Variants in RBMX observed in about 807,000 individuals in gnomAD.
RBMX encodes RNA-binding motif protein, X chromosome.
RBMX carries 1 observed loss-of-function variant against 29.3 expected under a neutral mutation model. The ratio of observed to expected loss-of-function variants is 0.03; its 90% CI spans 0.01 to 0.16. The LOEUF is 0.16. RBMX is among the 10% of genes least tolerant of loss of function. The pLI is 1.00. For synonymous variants in RBMX, 102 were observed against 102.3 expected (o/e 1.00, Z 0.02); for missense variants, 121 against 333.2 (o/e 0.36, Z 4.96).
At chrX:136,875,215 G>C (rs760772574) in intron 7 of RBMX, 43 bp downstream of exon 7, 6 of 1,209,118 alleles carry the variant, frequency 5.0e-6, no homozygotes, top group Admixed American at 4.4e-5. Flanking sequence ...AACTTTCATT[G>C]CAACTTTTCT....
rs1342819478 is a variant in RBMX at position 136,880,630 on chromosome X, G to A, written c.-60C>T. The stretch of plus-strand genomic sequence containing the variant: ...TGACAATGGGTTCAAGCTCCAACGA[G>A]CTCGGCGATAGGGGCTTCCTAGCAG... On this transcript the variant is annotated 5_prime_UTR_variant, in exon 1 of 9. Coordinates refer to ENST00000320676, the MANE Select transcript of RBMX (RefSeq NM_002139.4). The A allele has an allele frequency of 8.1e-6, 1 of 122,731 alleles. No individual in the cohort carries two copies. The allele number at this position is 122,731 out of a possible 1,213,427, so 10.1% of individuals were successfully genotyped here.
Position 136,873,606 on chromosome X carries a change from C to T in RBMX, c.*536G>A. 6.6e-6 allele frequency: 5 copies of T among 755,442 alleles called. No homozygotes were observed. The highest frequency in any genetic ancestry group is 7.8e-6 in the Non-Finnish European group (5 of 639,664). The allele number at this position is 755,442 out of a possible 1,213,427, so 62.3% of individuals were successfully genotyped here. Reference sequence around the variant, plus strand: ...CAAAATGGCCAGCATTATCCATTTGCTTTTTTGGGTTTACTGGGTGAATAG... The same window carrying T: ...CAAAATGGCCAGCATTATCCATTTGTTTTTTTGGGTTTACTGGGTGAATAG... On this transcript the variant is annotated 3_prime_UTR_variant, in exon 9 of 9. Transcript: ENST00000320676.
chrX:136,876,117 T>C (rs1409346372), intron 5 of RBMX, among the ~76,000 whole-genome samples: 1 of 101,326 alleles, frequency 9.9e-6, no homozygotes. Flanking sequence ...ATAAAGTTTT[T>C]TTTTTTTGTT....
Position 136,878,683 on chromosome X carries a change from G to C in RBMX, c.216+334C>G, listed in dbSNP as rs755816012. 7.5e-5 allele frequency among the ~76,000 whole-genome samples: 6 copies of C among 79,871 alleles called. No homozygotes were observed. In the East Asian group the frequency reaches 2.0e-3, roughly 27 times the overall value. 69.4% of individuals were successfully genotyped at this position (79,871 alleles called of 115,157 possible). ...GGCAGAAAAATCGCTTAGAACTCGG[G>C]AGACAGGCTGCAGTGGGCACTGCAC... On this transcript the variant is annotated intron_variant, in intron 3 of 8. Transcript: ENST00000320676.
At chrX:136,878,284 G>A (rs1037422737) in intron 3 of RBMX, among the ~76,000 whole-genome samples, 198 bp from the exon 4 acceptor site, 4 of 110,794 alleles carry the variant, frequency 3.6e-5, no homozygotes, top group African/African-American at 1.3e-4. Context: ...ACTTAAAACC[G>A]ATACTGATGA....
chrX:136,875,827 A>G (rs2077722309), intron 5 of RBMX, among the ~76,000 whole-genome samples: 1 of 105,885 alleles, frequency 9.4e-6, no homozygotes. Flanking sequence ...TTGAGATGGG[A>G]GTCTCGCTCT....
chrX:136,876,240 C>T (rs895331280), intron 5 of RBMX, among the ~76,000 whole-genome samples: 9 of 105,824 alleles, frequency 8.5e-5, no homozygotes, highest in African/African-American at 2.4e-4. Context: ...TCTCCTGCCT[C>T]GGCCTCCCAA....
downstream of RBMX, chrX:136,869,874 A>G (rs1569438012): frequency 8.9e-6 from 1 of 112,318 alleles, no homozygotes; most frequent in Non-Finnish European, 1.9e-5. Flanking sequence ...TAGGCTTATA[A>G]AACAATACAG....
rs369899532 is a variant in RBMX, at chrX:136,874,536, G to C, written c.866-84C>G. On this transcript the variant is annotated intron_variant, in intron 8 of 8. Transcript: ENST00000320676. ...TTAAATCTGAATTTACAGAATTCTT[G>C]TATTAAAAGTTTACTTTCTCAACTG... 6.9e-5 allele frequency: 74 copies of C among 1,079,716 alleles called. No individual in the cohort carries two copies. In the East Asian group the frequency reaches 1.7e-3, roughly 25 times the overall value. The allele number at this position is 1,079,716 out of a possible 1,213,427, so 89.0% of individuals were successfully genotyped here.
At position 136,874,600 on chromosome X, in the gene RBMX, A is replaced by G. The variant is rs777423957; in HGVS notation, c.866-148T>C. On this transcript the variant is annotated intron_variant, in intron 8 of 8. Transcript: ENST00000320676. ...AAACTCTGCCATTGCTGGCCATAAC[A>G]GGGATTTGCTCATCTGCTGAGATAT... 680 of 688,485 alleles carry G rather than the reference A, an allele frequency of 9.9e-4. 2 individuals carry two copies. The highest frequency in any genetic ancestry group is 1.3e-3 in the Non-Finnish European group (598 of 471,520). 56.7% of individuals were successfully genotyped at this position (688,485 alleles called of 1,213,427 possible).
At chrX:136,872,311 A>G, downstream of RBMX, 1 of 1,166,916 alleles carries the variant, frequency 8.6e-7, no homozygotes. Context: ...TGAATCAATC[A>G]GCACTCCACG....
At chrX:136,874,795 G>C in intron 8 of RBMX, 1 of 388,260 alleles carries the variant, frequency 2.6e-6, no homozygotes, top group South Asian at 7.5e-5. Flanking sequence ...GTAAATATTT[G>C]ATCTTGTTAA....
rs866996986 is a variant in RBMX at position 136,876,126 on chromosome X, T to G, written c.541+377A>C. Among the ~76,000 whole-genome samples, 13 of 73,703 alleles carry G rather than the reference T, an allele frequency of 1.8e-4. No individual in the cohort carries two copies. In the South Asian group the frequency reaches 2.8e-3, roughly 16 times the overall value. 64.0% of individuals were successfully genotyped at this position (73,703 alleles called of 115,157 possible). On this transcript the variant is annotated intron_variant, in intron 5 of 8. Transcript: ENST00000320676. Reference sequence around the variant, plus strand: ...CCATGAATAAAGTTTTTTTTTTTTGTTTTTTTTTTTTTTTTGGAGACAGAA... The same window carrying G: ...CCATGAATAAAGTTTTTTTTTTTTGGTTTTTTTTTTTTTTTGGAGACAGAA...
Position 136,879,410 on chromosome X carries a change from G to A in RBMX, c.18C>T (p.Arg6=). The change falls in exon 2 of 9, where the codon CGC becomes CGT. Residue 6 remains arginine, a synonymous_variant. Transcript: ENST00000320676. ...GCCCACCAATGAAGAGCTTTCCTGG[G>A]CGATCTGCTTCAACCATGTTTTTTT... MVEAD[R]PGKLFIGGLN... is the part of the protein sequence containing the mutation. 8.3e-7 allele frequency: 1 copy of A among 1,208,343 alleles called. No homozygotes were observed. Among genetic ancestry groups the A allele is most frequent in the Non-Finnish European group, 1.1e-6 (1 of 894,845 alleles).
At position 136,877,903 on chromosome X, in the gene RBMX, G is replaced by C. The variant is rs771744771; in HGVS notation, c.388+12C>G. ...CTTATACACCAAACCCGAGGTCCAC[G>C]CAAGTTATTACCCATGTGTCCTCCC... On this transcript the variant is annotated intron_variant, in intron 4 of 8. Coordinates refer to ENST00000320676, the MANE Select transcript of RBMX (RefSeq NM_002139.4). The C allele has an allele frequency of 8.6e-7, 1 of 1,162,148 alleles. No homozygotes were observed. The highest frequency in any genetic ancestry group is 1.8e-5 in the African/African-American group (1 of 56,306).
intron 2 of RBMX, 67 bp downstream of exon 2, chrX:136,879,252 G>C (rs755650705): frequency 4.2e-6 from 5 of 1,191,463 alleles, no homozygotes; most frequent in Non-Finnish European, 5.7e-6. Flanking sequence ...GACGATCAAT[G>C]CAATCAAATT....
intron 5 of RBMX, 128 bp from the exon 6 acceptor site, chrX:136,875,713 T>G: frequency 1.1e-6 from 1 of 922,210 alleles, no homozygotes; most frequent in Non-Finnish European, 1.5e-6. Flanking sequence ...GATCACCTAA[T>G]TTTATTTTCT....
chrX:136,870,388 G>A (rs761653902), downstream of RBMX: 5 of 113,586 alleles, frequency 4.4e-5, no homozygotes, highest in Non-Finnish European at 9.4e-5. Context: ...GTGACTTATT[G>A]ACAATCAGCC....
downstream of RBMX, among the ~76,000 whole-genome samples, chrX:136,870,943 A>G (rs2077680302): frequency 1.9e-5 from 2 of 107,472 alleles, no homozygotes; most frequent in Admixed American, 2.0e-4. Flanking sequence ...TGTCTACTAA[A>G]AATACAAATA....
Sources: allele counts gnomAD v4.1 joint callset (sites outside exome capture counted in the v4.1 genomes callset), GRCh38; gene constraint gnomAD v4.1.1; transcripts MANE v1.5; gene names NCBI Gene and HGNC (gene_info 2026-07-23, HGNC 2026-07-21).